GRM8: variants seen among roughly 807,000 people sequenced by gnomAD.
The protein encoded by GRM8 is metabotropic glutamate receptor 8.
Under a neutral mutation model 87.2 loss-of-function variants are expected in GRM8, and 47 were observed. The observed-to-expected ratio is 0.54, with a 90% CI of 0.43 to 0.69. The LOEUF (loss-of-function observed/expected upper bound fraction) is 0.69, where lower values mean the gene tolerates loss of function less well. Among genes scored for constraint, GRM8 ranks in the 30% least tolerant of loss-of-function variants. GRM8 has a pLI of 0.00. For missense variants in GRM8, 1,019 were observed against 1,139.2 expected, an observed-to-expected ratio of 0.89 and a Z score of 1.52; for synonymous variants, 396 against 404.5, an observed-to-expected ratio of 0.98 and a Z score of 0.25.
intron 7 of GRM8, among the ~76,000 whole-genome samples, chr7:126,695,100 G>A (rs964272950): frequency 1.3e-5 from 2 of 152,164 alleles, no homozygotes; most frequent in Non-Finnish European, 2.9e-5. Context: ...TCCAACAGAG[G>A]AGGAATAGAG....
intron 2 of GRM8, among the ~76,000 whole-genome samples, chr7:127,135,955 T>C (rs1421487033): frequency 2.0e-5 from 3 of 152,116 alleles, no homozygotes; most frequent in Non-Finnish European, 4.4e-5. Flanking sequence ...CAGAAGTTCA[T>C]CAAATTCAAT....
chr7:126,925,606 T>TA (rs1445386001), intron 3 of GRM8, among the ~76,000 whole-genome samples: 1 of 152,208 alleles, frequency 6.6e-6, no homozygotes, highest in African/African-American at 2.4e-5. Context: ...TTTCAGTCTT[T>TA]ATCCACAAAA....
chr7:126,895,632 A>C (rs4642560), intron 6 of GRM8, among the ~76,000 whole-genome samples: 22,421 of 145,852 alleles, frequency 0.15, 1,863 homozygotes, highest in Non-Finnish European at 0.2. Flanking sequence ...AACTGCTATA[A>C]TTCAATGTCA....
At chr7:126,973,365 T>C (rs1810627895) in intron 3 of GRM8, among the ~76,000 whole-genome samples, 1 of 152,238 alleles carries the variant, frequency 6.6e-6, no homozygotes, top group Admixed American at 6.5e-5. Context: ...CTTCTACTAA[T>C]ACATACATGT....
intron 9 of GRM8, among the ~76,000 whole-genome samples, chr7:126,463,385 G>A (rs1009683621): frequency 2.0e-5 from 3 of 151,610 alleles, no homozygotes; most frequent in Non-Finnish European, 3.0e-5. Flanking sequence ...AGGAACAAGT[G>A]AAAACTGAGA....
In GRM8 at chr7:126,439,161, A is replaced by G; in HGVS notation, c.2685T>C (p.Ser895=). 1 of 1,545,360 alleles carries G rather than the reference A, an allele frequency of 6.5e-7. No individual in the cohort carries two copies. The highest frequency in any genetic ancestry group is 8.9e-7 in the Non-Finnish European group (1 of 1,117,554). The change falls in exon 11 of 11, where the codon TCT becomes TCC. Residue 895 remains serine, a synonymous_variant. Coordinates refer to ENST00000339582, the MANE Select transcript of GRM8 (RefSeq NM_000845.3). ...TGTAACTGATATATGTTGTCTTGGT[A>G]GAGGAAGCTGTTAAGATAAATGAGG... ...LCESLETNTS[S]TKTTYISYSN... is the part of the protein sequence containing the mutation.
At chr7:126,797,283 C>T (rs547293461) in intron 6 of GRM8, among the ~76,000 whole-genome samples, 2 of 152,184 alleles carry the variant, frequency 1.3e-5, no homozygotes, top group South Asian at 4.1e-4. Flanking sequence ...AATACTTCAT[C>T]TGTGTTGTGA....
At chr7:127,241,437 C>CTTTT (rs11291980) in intron 2 of GRM8, among the ~76,000 whole-genome samples, 1 of 132,946 alleles carries the variant, frequency 7.5e-6, no homozygotes, top group South Asian at 2.4e-4. Flanking sequence ...TTTTTTTTTT[C>CTTTT]TTTTTTTTTT....
At chr7:126,610,058 T>C (rs1050801200) in intron 7 of GRM8, among the ~76,000 whole-genome samples, 1 of 152,210 alleles carries the variant, frequency 6.6e-6, no homozygotes, top group African/African-American at 2.4e-5. Context: ...CATTGATCTA[T>C]GGGAAGTCCC....
chr7:126,470,448 T>C (rs1189827460), intron 9 of GRM8, among the ~76,000 whole-genome samples: 1 of 151,172 alleles, frequency 6.6e-6, no homozygotes, highest in East Asian at 2.0e-4. Context: ...GTGTTTGGTT[T>C]TTTGTCCTTG....
chr7:126,643,916 C>CTA (rs1383326488), intron 7 of GRM8, among the ~76,000 whole-genome samples: 1 of 152,156 alleles, frequency 6.6e-6, no homozygotes, highest in East Asian at 1.9e-4. Flanking sequence ...AATGCACAGA[C>CTA]TATATATATG....
At chr7:127,113,682 T>C (rs2133142151) in intron 2 of GRM8, among the ~76,000 whole-genome samples, 1 of 152,230 alleles carries the variant, frequency 6.6e-6, no homozygotes, top group South Asian at 2.1e-4. Context: ...CCAGTGATGG[T>C]GGTTAGCAAC....
intron 9 of GRM8, among the ~76,000 whole-genome samples, chr7:126,491,779 T>A (rs141173292): frequency 1.3e-5 from 2 of 152,210 alleles, no homozygotes; most frequent in African/African-American, 4.8e-5. Flanking sequence ...ACTTTAGCAA[T>A]ATAAGAAAAT....
chr7:126,784,565 A>C (rs1276992342), intron 6 of GRM8, among the ~76,000 whole-genome samples: 1 of 152,178 alleles, frequency 6.6e-6, no homozygotes, highest in Admixed American at 6.5e-5. Context: ...GAGAACATTT[A>C]AACATAATGG....
chr7:126,499,966 G>A (rs760999880), intron 9 of GRM8, among the ~76,000 whole-genome samples: 17 of 151,868 alleles, frequency 1.1e-4, no homozygotes, highest in Admixed American at 8.5e-4. Flanking sequence ...ATATATTTAT[G>A]GGGCGTGATG....
At chr7:127,107,516 T>C (rs1276609737) in intron 2 of GRM8, among the ~76,000 whole-genome samples, 1 of 152,174 alleles carries the variant, frequency 6.6e-6, no homozygotes, top group Non-Finnish European at 1.5e-5. Flanking sequence ...TGCCATGCTG[T>C]GGTATGAGTG....
chr7:126,767,610 T>C (rs1454060766), intron 7 of GRM8, among the ~76,000 whole-genome samples: 2 of 152,120 alleles, frequency 1.3e-5, no homozygotes, highest in Non-Finnish European at 2.9e-5. Flanking sequence ...GCTTACCATA[T>C]TTGTTTCTTC....
intron 2 of GRM8, among the ~76,000 whole-genome samples, chr7:127,237,833 GT>G (rs1467131070): frequency 6.6e-6 from 1 of 152,220 alleles, no homozygotes; most frequent in African/African-American, 2.4e-5. Context: ...GGACATTAAT[GT>G]GAGTTACCTC....
chr7:126,900,225 G>T (rs1252111570), intron 6 of GRM8, among the ~76,000 whole-genome samples: 1 of 152,038 alleles, frequency 6.6e-6, no homozygotes, highest in Admixed American at 6.6e-5. Context: ...AGTTTCATGG[G>T]GCTATCTCAG....
Sources: allele counts gnomAD v4.1 joint callset (sites outside exome capture counted in the v4.1 genomes callset), GRCh38; gene constraint gnomAD v4.1.1; transcripts MANE v1.5; gene names NCBI Gene and HGNC (gene_info 2026-07-23, HGNC 2026-07-21).